Variants in SLC14A2 observed in about 807,000 individuals in gnomAD.
The protein encoded by SLC14A2 is solute carrier family 14 member 2, also known as urea transporter 2.
SLC14A2 carries 91 observed loss-of-function variants against 104.6 expected under a neutral mutation model. That is an observed-to-expected ratio of 0.87 (90% CI 0.73 to 1.04). SLC14A2 has a LOEUF of 1.04. SLC14A2 is among the 50% of genes least tolerant of loss of function. The probability of loss-of-function intolerance (pLI) is 0.00; values close to 1 mark genes in which losing one functional copy is unlikely to be tolerated. For missense variants in SLC14A2, 1,189 were observed against 1,156.0 expected (o/e 1.03, Z -0.41); for synonymous variants, 476 against 466.4 (o/e 1.02, Z -0.27).
At position 45,667,982 on chromosome 18, in the gene SLC14A2, A is replaced by G; in HGVS notation, c.1867A>G (p.Ile623Val). Residue 623 changes from isoleucine (I) to valine (V), a missense_variant, in exon 14 of 20, where the codon ATC becomes GTC. Physicochemically the swap from Ile to Val is conservative, Grantham distance 29. Transcript: ENST00000255226. ...WWAISGCLGT[I>V]MSTLTALILS... is the part of the protein sequence containing the mutation. ...GGCGATCTCAGGCTGCCTGGGTACC[A>G]TCATGTCCACCTTGACAGCCCTCAT... The G allele has an allele frequency of 6.2e-7, 1 of 1,614,062 alleles. No individual in the cohort carries two copies. The highest frequency in any genetic ancestry group is 1.1e-5 in the South Asian group (1 of 91,082).
chr18:45,394,159 G>A (rs2086003339), intron 1 of SLC14A2, among the ~76,000 whole-genome samples: 1 of 152,144 alleles, frequency 6.6e-6, no homozygotes, highest in Non-Finnish European at 1.5e-5. Context: ...TATTACATGG[G>A]ACCAATCAAT....
intron 1 of SLC14A2, chr18:45,440,278 G>A (rs889197623): frequency 3.3e-5 from 5 of 151,212 alleles, no homozygotes; most frequent in African/African-American, 1.2e-4. Flanking sequence ...GTTGCTCTGT[G>A]ACTTTTTCCA....
chr18:45,376,318 T>C (rs898476676), intron 1 of SLC14A2, among the ~76,000 whole-genome samples: 2 of 152,192 alleles, frequency 1.3e-5, no homozygotes, highest in Non-Finnish European at 2.9e-5. Flanking sequence ...CTGCCACAAA[T>C]AAATGCTCAG....
At chr18:45,668,230 G>C (rs1042975290) in intron 14 of SLC14A2, 119 bp from the exon 15 acceptor site, 5 of 1,361,006 alleles carry the variant, frequency 3.7e-6, no homozygotes, top group Non-Finnish European at 5.1e-6. Context: ...CTCCCAGAAG[G>C]GTGGTCTATT....
At chr18:45,293,778 C>A (rs559406233) in intron 1 of SLC14A2, among the ~76,000 whole-genome samples, 12 of 152,112 alleles carry the variant, frequency 7.9e-5, no homozygotes, top group Non-Finnish European at 1.5e-4. Context: ...TTTTCAAGTT[C>A]TACCTATTAA....
chr18:45,210,155 A>G (rs1295540255), upstream of SLC14A2, among the ~76,000 whole-genome samples: 2 of 152,226 alleles, frequency 1.3e-5, no homozygotes, highest in African/African-American at 4.8e-5. Flanking sequence ...GCAAGACAGA[A>G]ACATCCAGGA....
In SLC14A2 at chr18:45,682,528, G is replaced by C; in HGVS notation, c.*9G>C. On this transcript the variant is annotated 3_prime_UTR_variant, in exon 20 of 20. Coordinates refer to ENST00000255226, the MANE Select transcript of SLC14A2 (RefSeq NM_007163.4). ...CCTACGATGTCTCCTAAGTTTCCCTGTCTAAAACACATCAGTGTAAATTCA... is the reference window on the plus strand; with the variant it reads ...CCTACGATGTCTCCTAAGTTTCCCTCTCTAAAACACATCAGTGTAAATTCA... The C allele has an allele frequency of 6.2e-7, 1 of 1,610,366 alleles. No homozygotes were observed. Among genetic ancestry groups the C allele is most frequent in the Middle Eastern group, 1.7e-4 (1 of 6,050 alleles).
the SLC14A2 span, among the ~76,000 whole-genome samples, chr18:45,207,907 A>C: frequency 1.3e-5 from 2 of 152,334 alleles, no homozygotes; most frequent in Non-Finnish European, 2.9e-5. Flanking sequence ...GTTAATTCCC[A>C]CAGTAACCCT....
At chr18:45,661,490 A>T (rs556898369) in intron 10 of SLC14A2, among the ~76,000 whole-genome samples, 180 of 152,320 alleles carry the variant, frequency 1.2e-3, no homozygotes, top group African/African-American at 4.2e-3. Flanking sequence ...AAGAGCAGTG[A>T]ATTGGGAACT....
At chr18:45,592,112 C>G (rs2044656040) in intron 2 of SLC14A2, among the ~76,000 whole-genome samples, 1 of 152,164 alleles carries the variant, frequency 6.6e-6, no homozygotes, top group African/African-American at 2.4e-5. Flanking sequence ...CCCTTCCATC[C>G]TGGGGGAAAG....
intron 1 of SLC14A2, among the ~76,000 whole-genome samples, chr18:45,395,647 T>G: frequency 6.6e-6 from 1 of 152,130 alleles, no homozygotes; most frequent in East Asian, 1.9e-4. Flanking sequence ...ACTTAGAAGG[T>G]GGCTTTCTCA....
At chr18:45,438,616 G>A (rs1474784009) in intron 1 of SLC14A2, among the ~76,000 whole-genome samples, 1 of 152,164 alleles carries the variant, frequency 6.6e-6, no homozygotes, top group Non-Finnish European at 1.5e-5. Context: ...AACCTATCCC[G>A]CTAGAGGCTA....
chr18:45,445,505 C>G (rs1021979941), intron 1 of SLC14A2, among the ~76,000 whole-genome samples: 1 of 152,170 alleles, frequency 6.6e-6, no homozygotes, highest in African/African-American at 2.4e-5. Context: ...ACATTTGAGT[C>G]TGTGGTGGTC....
At chr18:45,308,306 TGAA>T (rs2085044526) in intron 1 of SLC14A2, among the ~76,000 whole-genome samples, 1 of 152,216 alleles carries the variant, frequency 6.6e-6, no homozygotes, top group South Asian at 2.1e-4. Flanking sequence ...ATTTTGCAGC[TGAA>T]GAAGTCAAGA....
chr18:45,367,745 T>TTTGTTGTTG (rs139963661), intron 1 of SLC14A2, among the ~76,000 whole-genome samples: 4 of 151,836 alleles, frequency 2.6e-5, no homozygotes, highest in Admixed American at 6.6e-5. Context: ...AAATCAAATT[T>TTTGTTGTTG]TTGTTGTTGT....
intron 1 of SLC14A2, among the ~76,000 whole-genome samples, chr18:45,253,355 A>C (rs765409054): frequency 1.3e-5 from 2 of 152,156 alleles, no homozygotes; most frequent in Non-Finnish European, 2.9e-5. Flanking sequence ...GAAGGACGGA[A>C]TGCAGACCAA....
intron 2 of SLC14A2, among the ~76,000 whole-genome samples, chr18:45,519,877 T>C (rs1325390703): frequency 1.3e-5 from 2 of 152,152 alleles, no homozygotes; most frequent in Admixed American, 1.3e-4. Flanking sequence ...CAGAATCAGA[T>C]GGGACTCCTA....
chr18:45,427,428 G>T (rs2086450249), intron 1 of SLC14A2, among the ~76,000 whole-genome samples: 1 of 152,138 alleles, frequency 6.6e-6, no homozygotes, highest in Non-Finnish European at 1.5e-5. Context: ...GGATGCCAGT[G>T]TTTCCCTTGA....
At chr18:45,584,755 C>T (rs184574042) in intron 2 of SLC14A2, among the ~76,000 whole-genome samples, 15 of 152,296 alleles carry the variant, frequency 9.8e-5, no homozygotes, top group Admixed American at 8.5e-4. Context: ...TCCTTCATCT[C>T]TGTCATTTGG....
Sources: gnomAD v4.1 joint callset for allele counts (sites outside exome capture counted in the v4.1 genomes callset) on GRCh38, gnomAD v4.1.1 for gene constraint, MANE v1.5 for transcripts, NCBI Gene and HGNC (gene_info 2026-07-23, HGNC 2026-07-21) for gene names.